PTPRO: variants seen among roughly 807,000 people sequenced by gnomAD.
The protein encoded by PTPRO is receptor-type tyrosine-protein phosphatase O.
Under a neutral mutation model 145.2 loss-of-function variants are expected in PTPRO, and 62 were observed. That is an observed-to-expected ratio of 0.43 (90% CI 0.35 to 0.53). PTPRO has a LOEUF of 0.53. PTPRO is among the 20% of genes least tolerant of loss of function. The pLI is 0.01. For missense variants in PTPRO, 1,345 were observed against 1,482.7 expected (o/e 0.91, Z 1.53); for synonymous variants, 565 against 514.7 (o/e 1.10, Z -1.32).
At chr12:15,465,225 T>C (rs1248356637) in intron 1 of PTPRO, among the ~76,000 whole-genome samples, 1 of 152,242 alleles carries the variant, frequency 6.6e-6, no homozygotes, top group African/African-American at 2.4e-5. Flanking sequence ...ATCATATTGT[T>C]GTTCCAGCCT....
At chr12:15,353,403 A>G (rs1359287003) in intron 1 of PTPRO, among the ~76,000 whole-genome samples, 1 of 149,166 alleles carries the variant, frequency 6.7e-6, no homozygotes, top group Non-Finnish European at 1.5e-5. Flanking sequence ...GAATTTAACC[A>G]TGTTGATGCA....
At chr12:15,446,195 G>C (rs1162928471) in intron 1 of PTPRO, among the ~76,000 whole-genome samples, 3 of 152,032 alleles carry the variant, frequency 2.0e-5, no homozygotes, top group Admixed American at 6.6e-5. Context: ...CTTAAATGTT[G>C]GGGGTTTGTT....
At chr12:15,403,689 A>G (rs1185157813) in intron 1 of PTPRO, among the ~76,000 whole-genome samples, 1 of 152,180 alleles carries the variant, frequency 6.6e-6, no homozygotes, top group Non-Finnish European at 1.5e-5. Flanking sequence ...AAGTCCATTT[A>G]CTGCCCTACA....
intron 6 of PTPRO, 143 bp from the exon 7 acceptor site, chr12:15,508,428 T>A: frequency 1.2e-6 from 1 of 847,076 alleles, no homozygotes; most frequent in Non-Finnish European, 2.0e-6. Flanking sequence ...GCAGAGGACC[T>A]GAAGAGTTGC....
At chr12:15,328,391 C>T (rs180694395) in intron 1 of PTPRO, among the ~76,000 whole-genome samples, 11 of 152,290 alleles carry the variant, frequency 7.2e-5, no homozygotes, top group African/African-American at 2.6e-4. Context: ...ATTCTAGTTA[C>T]TTAAAGGCCA....
chr12:15,344,702 G>A (rs16910766), intron 1 of PTPRO, among the ~76,000 whole-genome samples: 37,578 of 152,082 alleles, frequency 0.25, 4,869 homozygotes, highest in Non-Finnish European at 0.29. Context: ...TGAATTCAAT[G>A]TCGTCTCTCT....
At chr12:15,546,122 A>G (rs1943282333) in intron 12 of PTPRO, among the ~76,000 whole-genome samples, 1 of 152,224 alleles carries the variant, frequency 6.6e-6, no homozygotes, top group African/African-American at 2.4e-5. Flanking sequence ...TAGTTTCCAG[A>G]GAAAGGAAGA....
chr12:15,525,853 C>T (rs1057225078), intron 11 of PTPRO, among the ~76,000 whole-genome samples: 1 of 152,130 alleles, frequency 6.6e-6, no homozygotes, highest in African/African-American at 2.4e-5. Context: ...TTTCTAAAAC[C>T]TGTTATCAAT....
chr12:15,435,198 G>A (rs75625022), intron 1 of PTPRO, among the ~76,000 whole-genome samples: 4,418 of 152,252 alleles, frequency 0.029, 233 homozygotes, highest in African/African-American at 0.1. Context: ...TAGGATAAGA[G>A]TGATTGTAGC....
chr12:15,489,945 A>G (rs1345259981), intron 2 of PTPRO, among the ~76,000 whole-genome samples: 1 of 152,240 alleles, frequency 6.6e-6, no homozygotes, highest in African/African-American at 2.4e-5. Context: ...GGAGGCATAC[A>G]TAGCATGGCA....
intron 2 of PTPRO, among the ~76,000 whole-genome samples, chr12:15,495,741 A>C (rs1405814529): frequency 2.0e-5 from 3 of 152,218 alleles, no homozygotes; most frequent in Non-Finnish European, 4.4e-5. Flanking sequence ...AGATTTTATC[A>C]GGATTACAAA....
At chr12:15,504,878 C>T (rs762722511) in intron 6 of PTPRO, among the ~76,000 whole-genome samples, 10 of 152,178 alleles carry the variant, frequency 6.6e-5, no homozygotes, top group Middle Eastern at 3.2e-3. Context: ...AAGAGGAGCT[C>T]AGCTTATGTA....
At chr12:15,574,690 C>T (rs1944140252) in intron 19 of PTPRO, among the ~76,000 whole-genome samples, 2 of 152,142 alleles carry the variant, frequency 1.3e-5, no homozygotes, top group Non-Finnish European at 2.9e-5. Context: ...ACCCCCTTTC[C>T]TTTAGTCTAA....
intron 1 of PTPRO, among the ~76,000 whole-genome samples, chr12:15,456,668 A>G (rs1191570050): frequency 1.3e-5 from 2 of 152,102 alleles, no homozygotes; most frequent in Admixed American, 6.6e-5. Flanking sequence ...CAGATTTTCT[A>G]TTGCTCAGTA....
rs144070448 is a variant in PTPRO at position 15,523,189 on chromosome 12, T to C, written c.1892-1625T>C. Among the ~76,000 whole-genome samples the C allele has an allele frequency of 2.4e-3, 372 of 152,328 alleles. 3 individuals are homozygous for C. Among genetic ancestry groups the C allele is most frequent in the Non-Finnish European group, 3.2e-3 (221 of 68,032 alleles). On this transcript the variant is annotated intron_variant, in intron 10 of 26. Transcript: ENST00000281171. ...TCTTCAGTGAATAATTTTGAAAGCA[T>C]AGCTAGTTATGAATGTTTGTTGTAA...
intron 1 of PTPRO, among the ~76,000 whole-genome samples, chr12:15,328,224 C>T (rs1172230739): frequency 1.3e-5 from 2 of 151,760 alleles, no homozygotes; most frequent in Non-Finnish European, 2.9e-5. Context: ...TGTTCTAGGT[C>T]TTCAGAACAC....
chr12:15,374,710 C>G (rs1200546955), intron 1 of PTPRO, among the ~76,000 whole-genome samples: 2 of 152,114 alleles, frequency 1.3e-5, no homozygotes, highest in African/African-American at 4.8e-5. Context: ...ATTACAACAG[C>G]AATTGTTTAA....
intron 7 of PTPRO, among the ~76,000 whole-genome samples, chr12:15,510,818 A>G (rs1452019364): frequency 6.6e-6 from 1 of 152,080 alleles, no homozygotes; most frequent in Non-Finnish European, 1.5e-5. Flanking sequence ...TGGAAATAAG[A>G]CCATCTCAGG....
chr12:15,577,459 C>A (rs1165573323), intron 19 of PTPRO, among the ~76,000 whole-genome samples: 1 of 152,162 alleles, frequency 6.6e-6, no homozygotes, highest in Non-Finnish European at 1.5e-5. Flanking sequence ...AAACAGATAT[C>A]CCTATTCAAT....
Sources: allele counts gnomAD v4.1 joint callset (sites outside exome capture counted in the v4.1 genomes callset), GRCh38; gene constraint gnomAD v4.1.1; transcripts MANE v1.5; gene names NCBI Gene and HGNC (gene_info 2026-07-23, HGNC 2026-07-21).